PTH2R: variants seen among roughly 807,000 people sequenced by gnomAD.
PTH2R encodes the protein PTH2 receptor.
A neutral mutation model predicts 60.3 loss-of-function variants in PTH2R; 59 were observed. That is an observed-to-expected ratio of 0.98 (90% CI 0.79 to 1.22). The LOEUF (loss-of-function observed/expected upper bound fraction) is 1.22. Ranked by LOEUF, PTH2R falls within the 50% of genes most tolerant of loss-of-function variation. PTH2R has a pLI of 0.00. For missense variants in PTH2R, 749 were observed against 682.6 expected, an observed-to-expected ratio of 1.10 and a Z score of -1.08; for synonymous variants, 256 against 243.8, an observed-to-expected ratio of 1.05 and a Z score of -0.47.
chr2:208,475,446 G>A (rs1702979613), intron 9 of PTH2R, among the ~76,000 whole-genome samples: 1 of 151,910 alleles, frequency 6.6e-6, no homozygotes, highest in African/African-American at 2.4e-5. Context: ...ACCTATTAGG[G>A]AATTAGGGTC....
chr2:208,447,597 A>AC (rs1702313394), intron 7 of PTH2R, among the ~76,000 whole-genome samples: 1 of 110,240 alleles, frequency 9.1e-6, no homozygotes, highest in Non-Finnish European at 1.9e-5. Flanking sequence ...CAAAAAAAAA[A>AC]CAAAAAGAAA....
chr2:208,492,962 CT>C (rs1406963752), intron 12 of PTH2R, among the ~76,000 whole-genome samples: 1 of 152,084 alleles, frequency 6.6e-6, no homozygotes, highest in Non-Finnish European at 1.5e-5. Flanking sequence ...CCAGAATCTC[CT>C]TTTTTTCCTC....
chr2:208,413,363 A>G (rs1487587059), intron 1 of PTH2R, among the ~76,000 whole-genome samples: 1 of 152,212 alleles, frequency 6.6e-6, no homozygotes, highest in African/African-American at 2.4e-5. Flanking sequence ...AGTCATGATT[A>G]CAGAAACTCC....
At chr2:208,465,168 A>AT (rs1378655932) in intron 9 of PTH2R, among the ~76,000 whole-genome samples, 5 of 150,418 alleles carry the variant, frequency 3.3e-5, no homozygotes, top group Admixed American at 1.3e-4. Context: ...TAGAGATGTG[A>AT]TTTTGCCATG....
intron 1 of PTH2R, among the ~76,000 whole-genome samples, chr2:208,401,737 A>G (rs924121196): frequency 5.1e-4 from 78 of 152,190 alleles, no homozygotes; most frequent in Middle Eastern, 3.4e-3. Context: ...CTTCACGCTC[A>G]GTTCTGATGA....
chr2:208,440,313 T>C (rs1462078542), intron 4 of PTH2R, among the ~76,000 whole-genome samples: 1 of 152,248 alleles, frequency 6.6e-6, no homozygotes, highest in Admixed American at 6.5e-5. Context: ...GTACTAACAG[T>C]GTTTCTTTCT....
chr2:208,371,364 C>T (rs774708330), intron 1 of PTH2R, among the ~76,000 whole-genome samples: 7 of 152,082 alleles, frequency 4.6e-5, no homozygotes, highest in African/African-American at 1.7e-4. Context: ...TGTTTACAAA[C>T]GTGACGTTAA....
chr2:208,371,996 A>T (rs770205496), intron 1 of PTH2R, among the ~76,000 whole-genome samples: 10 of 151,984 alleles, frequency 6.6e-5, no homozygotes, highest in Non-Finnish European at 1.5e-4. Flanking sequence ...ATATCGGCTC[A>T]CTGCAACCTC....
chr2:208,393,780 T>A (rs1010283228), intron 1 of PTH2R, among the ~76,000 whole-genome samples: 8 of 152,174 alleles, frequency 5.3e-5, no homozygotes, highest in African/African-American at 1.7e-4. Context: ...AGTCTCCCTT[T>A]ATTTGCTTAA....
At chr2:208,387,228 C>T (rs548857031) in intron 1 of PTH2R, among the ~76,000 whole-genome samples, 90 of 152,136 alleles carry the variant, frequency 5.9e-4, no homozygotes, top group Non-Finnish European at 1.1e-3. Flanking sequence ...AATAAACAAT[C>T]CATGAGATAG....
chr2:208,475,253 G>A (rs985638399), intron 9 of PTH2R, among the ~76,000 whole-genome samples: 2 of 152,078 alleles, frequency 1.3e-5, no homozygotes, highest in African/African-American at 4.8e-5. Context: ...AAATGTAAAT[G>A]TATAACTAAT....
chr2:208,410,413 A>G (rs952029277), intron 1 of PTH2R, among the ~76,000 whole-genome samples: 3 of 152,120 alleles, frequency 2.0e-5, no homozygotes, highest in Non-Finnish European at 4.4e-5. Context: ...CATTGTGGAG[A>G]TCAGCTGGGC....
chr2:208,453,983 A>G (rs1028110034), intron 8 of PTH2R, among the ~76,000 whole-genome samples: 3 of 152,124 alleles, frequency 2.0e-5, no homozygotes, highest in Non-Finnish European at 4.4e-5. Context: ...ATCATTCCTT[A>G]TAAGTGTCTG....
intron 7 of PTH2R, among the ~76,000 whole-genome samples, chr2:208,449,257 A>C (rs1194181018): frequency 6.6e-6 from 1 of 152,198 alleles, no homozygotes; most frequent in Non-Finnish European, 1.5e-5. Context: ...TATCACTTTT[A>C]TTTATTCTTC....
chr2:208,378,857 A>G (rs982851418), intron 1 of PTH2R, among the ~76,000 whole-genome samples: 24 of 152,128 alleles, frequency 1.6e-4, no homozygotes, highest in Middle Eastern at 3.2e-3. Context: ...TGGGCAAGTC[A>G]TTTACCTTCA....
chr2:208,397,438 C>G (rs572257674), intron 1 of PTH2R, among the ~76,000 whole-genome samples: 1 of 152,224 alleles, frequency 6.6e-6, no homozygotes, highest in East Asian at 1.9e-4. Flanking sequence ...GCTTTGATGA[C>G]TGGAGGAACA....
intron 1 of PTH2R, among the ~76,000 whole-genome samples, chr2:208,373,144 G>T (rs953514310): frequency 1.3e-5 from 2 of 151,982 alleles, no homozygotes; most frequent in Non-Finnish European, 2.9e-5. Context: ...TTATGTCTTT[G>T]GCTAAAACAA....
intron 9 of PTH2R, among the ~76,000 whole-genome samples, chr2:208,470,950 A>G (rs1479171193): frequency 6.6e-6 from 1 of 152,162 alleles, no homozygotes; most frequent in Non-Finnish European, 1.5e-5. Flanking sequence ...CTTTTTGGGA[A>G]CTGGAGCAAA....
At chr2:208,431,085 CTT>C (rs2105858319) in intron 2 of PTH2R, among the ~76,000 whole-genome samples, 1 of 152,262 alleles carries the variant, frequency 6.6e-6, no homozygotes, top group South Asian at 2.1e-4. Flanking sequence ...TCATACTACT[CTT>C]TGTGTGTCGA....
Sources: gnomAD v4.1 joint callset for allele counts (sites outside exome capture counted in the v4.1 genomes callset) on GRCh38, gnomAD v4.1.1 for gene constraint, MANE v1.5 for transcripts, NCBI Gene and HGNC (gene_info 2026-07-23, HGNC 2026-07-21) for gene names.